Variants in SEC24D observed in about 807,000 individuals in gnomAD.
The protein encoded by SEC24D is SEC24 homolog D, COPII component.
A neutral mutation model predicts 116.9 loss-of-function variants in SEC24D; 69 were observed. The ratio of observed to expected loss-of-function variants is 0.59; its 90% CI spans 0.49 to 0.72. SEC24D has a LOEUF of 0.72. Ranked by LOEUF, SEC24D falls within the 30% of genes least tolerant of loss-of-function variation. The pLI is 0.00. For synonymous variants in SEC24D, 405 were observed against 442.8 expected, an observed-to-expected ratio of 0.91 and a Z score of 1.07; for missense variants, 1,131 against 1,264.1, an observed-to-expected ratio of 0.89 and a Z score of 1.60.
At chr4:118,812,487 G>A (rs538063911) in intron 6 of SEC24D, among the ~76,000 whole-genome samples, 1 of 152,138 alleles carries the variant, frequency 6.6e-6, no homozygotes. Context: ...GCCAGACGTG[G>A]AGAGGAGCAC....
At chr4:118,784,755 C>A (rs1728594067) in intron 8 of SEC24D, among the ~76,000 whole-genome samples, 1 of 150,312 alleles carries the variant, frequency 6.7e-6, no homozygotes, top group African/African-American at 2.5e-5. Context: ...CCCCCCGCCA[C>A]CAAATACACA....
intron 13 of SEC24D, among the ~76,000 whole-genome samples, chr4:118,746,897 A>G (rs1726564486): frequency 1.3e-5 from 2 of 152,064 alleles, no homozygotes; most frequent in African/African-American, 2.4e-5. Flanking sequence ...TGGGTCAGAG[A>G]GGTGAAGACA....
intron 22 of SEC24D, among the ~76,000 whole-genome samples, chr4:118,728,080 A>G (rs1312243382): frequency 6.6e-6 from 1 of 152,188 alleles, no homozygotes. Context: ...TGGCAACAAC[A>G]TATAATTTTC....
chr4:118,820,177 ATTTTTTT>A (rs748302677), intron 3 of SEC24D, among the ~76,000 whole-genome samples: 8 of 127,468 alleles, frequency 6.3e-5, no homozygotes, highest in African/African-American at 2.2e-4. Context: ...AATTAGTTTA[ATTTTTTT>A]TTTTTTTTTT....
chr4:118,728,491 G>A, intron 22 of SEC24D, 70 bp downstream of exon 22: 2 of 841,184 alleles, frequency 2.4e-6, no homozygotes, highest in South Asian at 3.2e-5. Flanking sequence ...AAAATATAGG[G>A]TGTGCATGTT....
At chr4:118,799,525 C>A (rs1729329478) in intron 7 of SEC24D, among the ~76,000 whole-genome samples, 1 of 152,040 alleles carries the variant, frequency 6.6e-6, no homozygotes. Context: ...TATTTGAAAC[C>A]ATGAAACCAG....
chr4:118,752,197 G>T, intron 12 of SEC24D, 108 bp from the exon 13 acceptor site: 1 of 699,440 alleles, frequency 1.4e-6, no homozygotes, highest in Non-Finnish European at 2.5e-6. Flanking sequence ...GTATTTATTT[G>T]ACACCAACAC....
chr4:118,728,246 G>A (rs1578371608), intron 22 of SEC24D, among the ~76,000 whole-genome samples: 1 of 152,242 alleles, frequency 6.6e-6, no homozygotes, highest in South Asian at 2.1e-4. Context: ...TTATAATTAA[G>A]TAATTTTAGG....
At chr4:118,727,668 T>G (rs574701885) in intron 22 of SEC24D, among the ~76,000 whole-genome samples, 1 of 151,870 alleles carries the variant, frequency 6.6e-6, no homozygotes, top group African/African-American at 2.4e-5. Context: ...AACCAAATCT[T>G]AAGAGAATGT....
At chr4:118,742,740 C>G (rs1349361443) in intron 15 of SEC24D, among the ~76,000 whole-genome samples, 1 of 152,132 alleles carries the variant, frequency 6.6e-6, no homozygotes, top group African/African-American at 2.4e-5. Flanking sequence ...ATACACCTTC[C>G]CAGTCCATGC....
intron 8 of SEC24D, 65 bp downstream of exon 8, chr4:118,797,618 A>G (rs181110962): frequency 7.8e-7 from 1 of 1,277,774 alleles, no homozygotes; most frequent in East Asian, 2.4e-5. Flanking sequence ...GTATAAGAAA[A>G]TTGTGAGAAA....
chr4:118,767,656 T>C (rs1418367224), intron 9 of SEC24D, among the ~76,000 whole-genome samples: 2 of 152,162 alleles, frequency 1.3e-5, no homozygotes, highest in African/African-American at 2.4e-5. Flanking sequence ...ATATAATGAA[T>C]ACGGGAAAGC....
chr4:118,805,500 C>G (rs1397428161), intron 7 of SEC24D, among the ~76,000 whole-genome samples: 2 of 152,158 alleles, frequency 1.3e-5, no homozygotes, highest in African/African-American at 4.8e-5. Context: ...CTCAAACAGT[C>G]TAATTCCTTA....
At chr4:118,808,032 G>A (rs987656833) in intron 6 of SEC24D, among the ~76,000 whole-genome samples, 1 of 152,158 alleles carries the variant, frequency 6.6e-6, no homozygotes, top group Non-Finnish European at 1.5e-5. Flanking sequence ...TGTGAAGGGG[G>A]TTCACTGCAG....
chr4:118,752,932 G>T, intron 11 of SEC24D, 44 bp from the exon 12 acceptor site: 3 of 1,391,474 alleles, frequency 2.2e-6, no homozygotes, highest in Non-Finnish European at 2.9e-6. Context: ...TATAAATTTA[G>T]ATGAAAAGGA....
chr4:118,821,931 C>T (rs777982076), intron 3 of SEC24D, among the ~76,000 whole-genome samples: 6 of 152,192 alleles, frequency 3.9e-5, no homozygotes, highest in South Asian at 2.1e-4. Context: ...ATCCAGTATG[C>T]AAGTTGTAGC....
At chr4:118,740,453 C>T (rs1726172108) in intron 17 of SEC24D, among the ~76,000 whole-genome samples, 1 of 152,134 alleles carries the variant, frequency 6.6e-6, no homozygotes, top group African/African-American at 2.4e-5. Flanking sequence ...TGCAATGACA[C>T]ATAATTGTCA....
intron 6 of SEC24D, among the ~76,000 whole-genome samples, chr4:118,812,843 G>A (rs1035983960): frequency 1.6e-3 from 238 of 152,154 alleles, no homozygotes; most frequent in African/African-American, 5.5e-3. Context: ...ACCTATAGAC[G>A]GCAAACTAAA....
Position 118,731,474 on chromosome 4 carries a change from C to G in SEC24D, c.2710G>C (p.Ala904Pro). The change falls in exon 21 of 23, where the codon GCT (alanine) becomes CCT (proline). Residue 904 changes from alanine (A) to proline (P), a missense_variant. Transcript: ENST00000280551. ...TLDVKSTMLPAAVRCSESRLS... is the reference protein window; with the variant it reads ...TLDVKSTMLPPAVRCSESRLS... ...CGGGACTCAGAGCAACGAACGGCAG[C>G]AGGTAACATTGTACTCTTGACATCT... 6.2e-7 allele frequency: 1 copy of G among 1,614,124 alleles called. No individual in the cohort carries two copies. Among genetic ancestry groups the G allele is most frequent in the Admixed American group, 1.7e-5 (1 of 60,016 alleles).
Sources: gnomAD v4.1 joint callset for allele counts (sites outside exome capture counted in the v4.1 genomes callset) on GRCh38, gnomAD v4.1.1 for gene constraint, MANE v1.5 for transcripts, NCBI Gene and HGNC (gene_info 2026-07-23, HGNC 2026-07-21) for gene names.